Variants in FOXP1 observed in about 807,000 individuals in gnomAD.
The protein encoded by FOXP1 is forkhead box protein P1.
A neutral mutation model predicts 98.2 loss-of-function variants in FOXP1; 15 were observed. The observed-to-expected ratio is 0.15, with a 90% CI of 0.10 to 0.24. The LOEUF is 0.24. Ranked by LOEUF, FOXP1 falls within the 10% of genes least tolerant of loss-of-function variation. The pLI is 1.00. For synonymous variants in FOXP1, 371 were observed against 314.5 expected, an observed-to-expected ratio of 1.18 and a Z score of -1.90; for missense variants, 633 against 848.5, an observed-to-expected ratio of 0.75 and a Z score of 3.15.
chr3:71,200,156 C>T lies in FOXP1; in HGVS notation c.-11-1764G>A, dbSNP rs530298419. ...ATACATTTCACATTCACTCTTATTA[C>T]TCTCTGGGCACAAAACCATTATCCC... On this transcript the variant is annotated intron_variant, in intron 5 of 20. Coordinates refer to ENST00000649528, the MANE Select transcript of FOXP1 (RefSeq NM_001349338.3). Among the ~76,000 whole-genome samples, 13 of 147,464 alleles carry T rather than the reference C, an allele frequency of 8.8e-5. No homozygotes were observed. In the South Asian group the frequency reaches 2.7e-3, roughly 31 times the overall value.
chr3:71,314,111 T>C (rs1310397641), intron 4 of FOXP1, among the ~76,000 whole-genome samples: 3 of 152,210 alleles, frequency 2.0e-5, no homozygotes, highest in African/African-American at 7.2e-5. Context: ...GTACTTAGAA[T>C]AGTGTATGGC....
At chr3:71,358,586 A>G (rs929744065) in intron 4 of FOXP1, among the ~76,000 whole-genome samples, 2 of 152,168 alleles carry the variant, frequency 1.3e-5, no homozygotes, top group African/African-American at 4.8e-5. Context: ...GCAGGTATAT[A>G]TTTTTTATTC....
chr3:71,558,651 C>T (rs1425871381), intron 2 of FOXP1, among the ~76,000 whole-genome samples: 1 of 151,708 alleles, frequency 6.6e-6, no homozygotes, highest in East Asian at 1.9e-4. Flanking sequence ...TGGGCCACCA[C>T]GCCCAGCTAA....
Position 71,535,539 on chromosome 3 carries a change from T to TAAC in FOXP1, c.-297-41987_-297-41985dup, listed in dbSNP as rs543028893. Among the ~76,000 whole-genome samples, 591 of 151,918 alleles carry TAAC rather than the reference T, an allele frequency of 3.9e-3. 11 individuals carry two copies. Among genetic ancestry groups the TAAC allele is most frequent in the Admixed American group, 0.026 (400 of 15,250 alleles). On this transcript the variant is annotated intron_variant, in intron 2 of 20. Coordinates refer to ENST00000649528, the MANE Select transcript of FOXP1 (RefSeq NM_001349338.3). ...GAGCAATATGACAAAAACCCATCTC[T>TAAC]AACAACAACAACAACAACAACAACA...
chr3:71,537,369 C>T (rs1386120455), intron 2 of FOXP1, among the ~76,000 whole-genome samples: 1 of 152,184 alleles, frequency 6.6e-6, no homozygotes, highest in Non-Finnish European at 1.5e-5. Flanking sequence ...TTTCCCCCAG[C>T]TCAGTGTGGG....
At chr3:71,021,132 A>G (rs551799395) in intron 11 of FOXP1, among the ~76,000 whole-genome samples, 2 of 152,302 alleles carry the variant, frequency 1.3e-5, no homozygotes, top group East Asian at 3.9e-4. Context: ...CATCATCACC[A>G]ACTAATTTTG....
intron 19 of FOXP1, chr3:70,970,088 G>A (rs1457507947): frequency 6.6e-6 from 1 of 152,368 alleles, no homozygotes; most frequent in East Asian, 1.9e-4. Context: ...CAAAACCCGC[G>A]TCTTCATCTC....
chr3:71,121,841 A>G (rs886923088), intron 6 of FOXP1, among the ~76,000 whole-genome samples: 4 of 152,344 alleles, frequency 2.6e-5, no homozygotes, highest in South Asian at 2.1e-4. Context: ...GTTTAAAAAT[A>G]AATAAGTTGG....
At chr3:71,280,780 A>G (rs1011175134) in intron 5 of FOXP1, among the ~76,000 whole-genome samples, 6 of 152,040 alleles carry the variant, frequency 3.9e-5, no homozygotes, top group Non-Finnish European at 8.8e-5. Flanking sequence ...GGTCTCCAAA[A>G]TGGTCCAAGT....
chr3:70,957,891 T>TCAAA lies in FOXP1; in HGVS notation c.*1352_*1355dup, dbSNP rs144583656. 5.2e-3 allele frequency: 1,226 copies of TCAAA among 234,452 alleles called. 13 individuals are homozygous for TCAAA. The highest frequency in any genetic ancestry group is 0.025 in the African/African-American group (1,137 of 45,450). 14.5% of individuals were successfully genotyped at this position (234,452 alleles called of 1,614,324 possible). A position where few individuals can be genotyped will look rare whatever the true frequency, so the allele number is the denominator to read the frequency against. On this transcript the variant is annotated 3_prime_UTR_variant, in exon 21 of 21. Transcript: ENST00000649528. ...GTTCAATCTGAAATCGAATTTGCATTCAAACAGTTTAATGCCACCAAGTAG... is the reference window on the plus strand; with the variant it reads ...GTTCAATCTGAAATCGAATTTGCATTCAAACAAACAGTTTAATGCCACCAAGTAG...
intron 6 of FOXP1, among the ~76,000 whole-genome samples, chr3:71,135,717 G>A (rs2107959525): frequency 1.3e-5 from 2 of 152,226 alleles, no homozygotes; most frequent in Middle Eastern, 3.4e-3. Context: ...GCCAAACCAG[G>A]GCCTGCCCAG....
chr3:71,232,346 A>G (rs1180144441), intron 5 of FOXP1, among the ~76,000 whole-genome samples: 2 of 152,180 alleles, frequency 1.3e-5, no homozygotes, highest in African/African-American at 4.8e-5. Flanking sequence ...GCTGAGAAAA[A>G]GTACTGTGAT....
chr3:71,280,373 T>C (rs1301879276), intron 5 of FOXP1, among the ~76,000 whole-genome samples: 5 of 151,226 alleles, frequency 3.3e-5, no homozygotes, highest in Non-Finnish European at 7.4e-5. Context: ...TAGGCTGGAG[T>C]GCAGTGGTGC....
At chr3:70,992,346 A>C (rs1253630588) in intron 13 of FOXP1, among the ~76,000 whole-genome samples, 1 of 151,840 alleles carries the variant, frequency 6.6e-6, no homozygotes, top group East Asian at 1.9e-4. Flanking sequence ...CCAGTTACTT[A>C]GGCAGGGTAT....
intron 5 of FOXP1, among the ~76,000 whole-genome samples, chr3:71,239,667 C>G (rs1386998758): frequency 6.6e-6 from 1 of 152,206 alleles, no homozygotes; most frequent in Non-Finnish European, 1.5e-5. Flanking sequence ...TTTACACACA[C>G]TTTGAAGCCC....
chr3:71,193,710 A>G (rs2063138698), intron 6 of FOXP1, among the ~76,000 whole-genome samples: 1 of 152,046 alleles, frequency 6.6e-6, no homozygotes, highest in Admixed American at 6.5e-5. Context: ...CGGCCTCCCT[A>G]AGTGCTGGGA....
At chr3:71,517,193 CA>C (rs373133762) in intron 2 of FOXP1, among the ~76,000 whole-genome samples, 3,978 of 148,320 alleles carry the variant, frequency 0.027, 148 homozygotes, top group African/African-American at 0.091. Flanking sequence ...GGTGATCTAT[CA>C]AAAAAAAAAA....
At chr3:71,426,801 G>T (rs532792099) in intron 3 of FOXP1, among the ~76,000 whole-genome samples, 2 of 152,096 alleles carry the variant, frequency 1.3e-5, no homozygotes, top group African/African-American at 4.8e-5. Context: ...GGTGGCTCAC[G>T]CCTGTAATCC....
At chr3:71,171,780 C>T (rs1335795752) in intron 6 of FOXP1, among the ~76,000 whole-genome samples, 1 of 152,176 alleles carries the variant, frequency 6.6e-6, no homozygotes, top group Non-Finnish European at 1.5e-5. Flanking sequence ...ACACACAGGG[C>T]TGGGGTCTGG....
Sources: gnomAD v4.1 joint callset for allele counts (sites outside exome capture counted in the v4.1 genomes callset) on GRCh38, gnomAD v4.1.1 for gene constraint, MANE v1.5 for transcripts, NCBI Gene and HGNC (gene_info 2026-07-23, HGNC 2026-07-21) for gene names.